Variants in RSBN1L observed in about 807,000 individuals in gnomAD.
RSBN1L encodes the protein round spermatid basic protein 1 like, also known as lysine-specific demethylase RSBN1L.
Under a neutral mutation model 67.7 loss-of-function variants are expected in RSBN1L, and 30 were observed. The observed-to-expected ratio is 0.44, with a 90% confidence interval of 0.33 to 0.60. The LOEUF is 0.60. Ranked by LOEUF, RSBN1L falls within the 20% of genes least tolerant of loss-of-function variation. RSBN1L has a pLI of 0.02. For missense variants in RSBN1L, 992 were observed against 1,031.7 expected (o/e 0.96, Z 0.53); for synonymous variants, 433 against 387.0 (o/e 1.12, Z -1.39).
At chr7:77,698,604 T>C (rs1790772147) in intron 1 of RSBN1L, among the ~76,000 whole-genome samples, 1 of 152,218 alleles carries the variant, frequency 6.6e-6, no homozygotes. Flanking sequence ...GTCCTTAAAG[T>C]GAAATGGCTG....
intron 1 of RSBN1L, among the ~76,000 whole-genome samples, chr7:77,699,783 C>T (rs1425881619): frequency 2.0e-5 from 3 of 151,578 alleles, no homozygotes; most frequent in Admixed American, 1.3e-4. Context: ...AGGAAAAGTG[C>T]AAAACAGTTT....
At chr7:77,739,176 G>T (rs1487678067) in intron 2 of RSBN1L, among the ~76,000 whole-genome samples, 1 of 152,050 alleles carries the variant, frequency 6.6e-6, no homozygotes, top group African/African-American at 2.4e-5. Flanking sequence ...TTTGTTGTTG[G>T]TGACTTGGAA....
At chr7:77,707,345 C>G (rs967111086) in intron 1 of RSBN1L, among the ~76,000 whole-genome samples, 3 of 152,066 alleles carry the variant, frequency 2.0e-5, no homozygotes, top group South Asian at 2.1e-4. Context: ...TTTATAAAGT[C>G]CTTCAGAGCA....
At chr7:77,702,065 G>A (rs973572690) in intron 1 of RSBN1L, among the ~76,000 whole-genome samples, 3 of 151,542 alleles carry the variant, frequency 2.0e-5, no homozygotes, top group Non-Finnish European at 2.9e-5. Context: ...TCCCAGGTTC[G>A]CATGATTCTC....
intron 4 of RSBN1L, among the ~76,000 whole-genome samples, chr7:77,765,905 C>T (rs1021999778): frequency 5.3e-5 from 8 of 152,152 alleles, no homozygotes; most frequent in African/African-American, 1.7e-4. Context: ...TGAAATAACA[C>T]CTCTTAACAC....
At chr7:77,728,991 A>G (rs1791241770) in intron 1 of RSBN1L, among the ~76,000 whole-genome samples, 1 of 152,106 alleles carries the variant, frequency 6.6e-6, no homozygotes, top group Non-Finnish European at 1.5e-5. Flanking sequence ...CTGCTCTGCC[A>G]TTTGATGATG....
rs760308157 is a variant in RSBN1L at position 77,768,838 on chromosome 7, A to G, written c.1625+35A>G. 5 of 1,602,142 alleles carry G rather than the reference A, an allele frequency of 3.1e-6. No homozygotes were observed. The African/African-American group carries it at 4.0e-5, about 13-fold the overall frequency. ...ATACACATTTTTATTGGAGGGGATGAGTGTTTGTATGTTGGGGTGTGTATG... is the reference window on the plus strand; with the variant it reads ...ATACACATTTTTATTGGAGGGGATGGGTGTTTGTATGTTGGGGTGTGTATG... On this transcript the variant is annotated intron_variant, in intron 5 of 7. Coordinates refer to ENST00000334955, the MANE Select transcript of RSBN1L (RefSeq NM_198467.3).
chr7:77,705,997 T>G (rs1430546801), intron 1 of RSBN1L, among the ~76,000 whole-genome samples: 1 of 151,800 alleles, frequency 6.6e-6, no homozygotes, highest in East Asian at 1.9e-4. Context: ...ACCTCCCAGG[T>G]TCAAGCGATT....
chr7:77,738,363 G>A (rs976018010), intron 2 of RSBN1L, among the ~76,000 whole-genome samples: 4 of 152,124 alleles, frequency 2.6e-5, no homozygotes, highest in African/African-American at 9.7e-5. Flanking sequence ...GTGATATTTT[G>A]AACCGAGTTA....
intron 1 of RSBN1L, among the ~76,000 whole-genome samples, chr7:77,700,460 A>C (rs1790801319): frequency 6.6e-6 from 1 of 152,238 alleles, no homozygotes; most frequent in Admixed American, 6.5e-5. Context: ...TTTTGCCTTG[A>C]AAGTGTAGTT....
In RSBN1L at chr7:77,749,599, A is replaced by C. The variant is rs776397538; in HGVS notation, c.879A>C (p.Lys293Asn). ...LLTDVEDQAA[K>N]GILNDNIKDY... ...CTGATGTTGAAGATCAAGCAGCCAA[A>C]GGCATCCTAAATGATAACATAAAAG... Residue 293 changes from lysine (K) to asparagine (N), a missense_variant, in exon 3 of 8, where the codon AAA becomes AAC. Transcript: ENST00000334955. The C allele has an allele frequency of 1.2e-6, 2 of 1,614,012 alleles. No homozygotes were observed. Among genetic ancestry groups the C allele is most frequent in the Admixed American group, 1.7e-5 (1 of 59,996 alleles).
At chr7:77,767,670 C>T (rs903852441) in intron 4 of RSBN1L, among the ~76,000 whole-genome samples, 10 of 151,424 alleles carry the variant, frequency 6.6e-5, no homozygotes, top group East Asian at 2.0e-4. Context: ...CCACCGTGCC[C>T]GGCCACCGTC....
At chr7:77,710,546 C>T (rs1790958458) in intron 1 of RSBN1L, among the ~76,000 whole-genome samples, 1 of 152,068 alleles carries the variant, frequency 6.6e-6, no homozygotes, top group Non-Finnish European at 1.5e-5. Flanking sequence ...GTTAGGTTCC[C>T]TTCACTTTGT....
rs1376512862 is a variant in RSBN1L at position 77,780,402 on chromosome 7, T to G, written c.*1234T>G. The G allele has an allele frequency of 6.6e-6, 1 of 152,208 alleles. No homozygotes were observed. The highest frequency in any genetic ancestry group is 1.5e-5 in the Non-Finnish European group (1 of 68,026). 9.4% of individuals were successfully genotyped at this position (152,208 alleles called of 1,614,324 possible). A position where few individuals can be genotyped will look rare whatever the true frequency, so the allele number is the denominator to read the frequency against. ...GTTAATGATAACAAAGGCTTCTAAC[T>G]AATAGTTACGTGGCCAGATTACATA... On this transcript the variant is annotated 3_prime_UTR_variant, in exon 8 of 8. Coordinates refer to ENST00000334955, the MANE Select transcript of RSBN1L (RefSeq NM_198467.3).
At chr7:77,758,892 C>G (rs1791659818) in intron 3 of RSBN1L, among the ~76,000 whole-genome samples, 2 of 152,146 alleles carry the variant, frequency 1.3e-5, no homozygotes, top group Admixed American at 6.5e-5. Context: ...CTCTGGAACC[C>G]TGTACTAAGA....
At chr7:77,745,897 C>T (rs1264260154) in intron 2 of RSBN1L, among the ~76,000 whole-genome samples, 4 of 152,170 alleles carry the variant, frequency 2.6e-5, no homozygotes, top group Non-Finnish European at 4.4e-5. Flanking sequence ...AAGGAGCAGG[C>T]AACCTAGATT....
chr7:77,718,845 G>C (rs543754498), intron 1 of RSBN1L, among the ~76,000 whole-genome samples: 1 of 152,204 alleles, frequency 6.6e-6, no homozygotes, highest in Non-Finnish European at 1.5e-5. Context: ...GCTTCACGCA[G>C]TGTTGACTGG....
At chr7:77,722,794 C>T (rs1204106970) in intron 1 of RSBN1L, among the ~76,000 whole-genome samples, 4 of 151,662 alleles carry the variant, frequency 2.6e-5, no homozygotes, top group East Asian at 1.9e-4. Context: ...TCATTGTTGT[C>T]GTTCAGTTCA....
At chr7:77,728,965 T>G (rs1791241503) in intron 1 of RSBN1L, among the ~76,000 whole-genome samples, 1 of 152,176 alleles carries the variant, frequency 6.6e-6, no homozygotes, top group African/African-American at 2.4e-5. Flanking sequence ...TGGGGAAGAG[T>G]GAAGCCAGAT....
Sources: allele counts gnomAD v4.1 joint callset (sites outside exome capture counted in the v4.1 genomes callset), GRCh38; gene constraint gnomAD v4.1.1; transcripts MANE v1.5; gene names NCBI Gene and HGNC (gene_info 2026-07-23, HGNC 2026-07-21).